STK32C: variants seen among roughly 807,000 people sequenced by gnomAD.
STK32C encodes serine/threonine-protein kinase 32C.
In STK32C, 31 loss-of-function variants were observed where a neutral mutation model predicts 56.5. The ratio of observed to expected loss-of-function variants is 0.55; its 90% CI spans 0.41 to 0.74. STK32C has a LOEUF of 0.74. Ranked by LOEUF, STK32C falls within the 30% of genes least tolerant of loss-of-function variation. The pLI is 0.00. For missense variants in STK32C, 544 were observed against 676.9 expected (o/e 0.80, Z 2.18); for synonymous variants, 309 against 289.4 (o/e 1.07, Z -0.69).
At chr10:132,236,440 C>T (rs925850963) in intron 2 of STK32C, among the ~76,000 whole-genome samples, 5 of 152,226 alleles carry the variant, frequency 3.3e-5, no homozygotes, top group African/African-American at 4.8e-5. Context: ...GCAGCCCCAC[C>T]GTGCACGGGC....
At chr10:132,315,876 G>C (rs2138441701) in intron 1 of STK32C, among the ~76,000 whole-genome samples, 1 of 152,260 alleles carries the variant, frequency 6.6e-6, no homozygotes, top group African/African-American at 2.4e-5. Flanking sequence ...TGTGTTATCT[G>C]AACACAATGA....
In STK32C at chr10:132,268,657, G is replaced by A. The variant is rs377417615; in HGVS notation, c.263-22702C>T. 1.2e-3 allele frequency among the ~76,000 whole-genome samples: 176 copies of A among 150,170 alleles called. 1 individual carries two copies. The highest frequency in any genetic ancestry group is 3.8e-3 in the African/African-American group (156 of 40,646). ...TGTGTGTGTGTCGGTGTGTGTGCATGCATGTGTATGCAGGTTCAGCTCTAT... is the reference window on the plus strand; with the variant it reads ...TGTGTGTGTGTCGGTGTGTGTGCATACATGTGTATGCAGGTTCAGCTCTAT... On this transcript the variant is annotated intron_variant, in intron 1 of 11. Coordinates refer to ENST00000298630, the MANE Select transcript of STK32C (RefSeq NM_173575.4).
At chr10:132,286,375 C>T (rs1205571665) in intron 1 of STK32C, among the ~76,000 whole-genome samples, 1 of 152,188 alleles carries the variant, frequency 6.6e-6, no homozygotes, top group Non-Finnish European at 1.5e-5. Context: ...ACACCACCAA[C>T]CTTACACAAA....
chr10:132,292,444 A>G (rs2065596406), intron 1 of STK32C, among the ~76,000 whole-genome samples: 1 of 152,238 alleles, frequency 6.6e-6, no homozygotes, highest in Admixed American at 6.5e-5. Flanking sequence ...TGACGGATTC[A>G]TCCACACACT....
chr10:132,244,339 C>T (rs905818278), intron 2 of STK32C, among the ~76,000 whole-genome samples: 2 of 152,330 alleles, frequency 1.3e-5, no homozygotes, highest in Middle Eastern at 3.4e-3. Context: ...CGTTTCCGAG[C>T]CTCTTAAGGA....
At chr10:132,217,431 T>G (rs2137618793) in intron 10 of STK32C, among the ~76,000 whole-genome samples, 1 of 152,334 alleles carries the variant, frequency 6.6e-6, no homozygotes, top group Admixed American at 6.5e-5. Flanking sequence ...GGGACTTACC[T>G]TGTCTCAGAT....
intron 8 of STK32C, 95 bp downstream of exon 8, chr10:132,224,312 T>C: frequency 1.1e-6 from 1 of 895,374 alleles, no homozygotes; most frequent in African/African-American, 1.6e-5. Flanking sequence ...GAAGCGGCAC[T>C]AACTGTGCAC....
chr10:132,220,095 G>C (rs760506359), intron 10 of STK32C, among the ~76,000 whole-genome samples: 2 of 152,250 alleles, frequency 1.3e-5, no homozygotes, highest in Admixed American at 1.3e-4. Context: ...CTGGGTACCT[G>C]TGAATGTGAC....
rs1172893533 is a variant in STK32C, at chr10:132,209,042, G to A, written c.1311C>T (p.Asn437=). Residue 437 remains asparagine (N), a synonymous_variant, in exon 11 of 12, where the codon AAC becomes AAT. Coordinates refer to ENST00000298630, the MANE Select transcript of STK32C (RefSeq NM_173575.4). ...ACCCCCAACACACTCACTTTTCTCT[G>A]TTAAAAATCACGAAGTCTTGCTGGA... ...DAIQQDFVIF[N]REKLKRSQDL... is the part of the protein sequence containing the mutation. 2.5e-6 allele frequency: 4 copies of A among 1,612,336 alleles called. No individual in the cohort carries two copies. The highest frequency in any genetic ancestry group is 2.7e-5 in the African/African-American group (2 of 74,968).
At chr10:132,269,447 G>A (rs1318139815) in intron 1 of STK32C, among the ~76,000 whole-genome samples, 1 of 152,200 alleles carries the variant, frequency 6.6e-6, no homozygotes, top group East Asian at 1.9e-4. Flanking sequence ...CTGCCTCCCA[G>A]CCCTGCTGGC....
intron 1 of STK32C, among the ~76,000 whole-genome samples, chr10:132,296,777 G>T (rs1005606148): frequency 2.6e-5 from 4 of 152,232 alleles, no homozygotes; most frequent in Non-Finnish European, 5.9e-5. Flanking sequence ...AGGGGCCGCT[G>T]TGAGGAATGG....
At chr10:132,256,931 G>A (rs1036346741) in intron 1 of STK32C, among the ~76,000 whole-genome samples, 23 of 152,196 alleles carry the variant, frequency 1.5e-4, no homozygotes, top group Non-Finnish European at 3.1e-4. Context: ...CTAGCCAGTG[G>A]GGGGGACGCT....
downstream of STK32C, among the ~76,000 whole-genome samples, chr10:132,320,184 G>C (rs924974412): frequency 1.3e-5 from 2 of 152,120 alleles, no homozygotes; most frequent in African/African-American, 4.8e-5. Flanking sequence ...GGCTGGGGAG[G>C]GGGCAGGTAG....
chr10:132,248,823 G>A (rs1483118177), intron 1 of STK32C, among the ~76,000 whole-genome samples: 22 of 152,274 alleles, frequency 1.4e-4, no homozygotes, highest in Non-Finnish European at 1.5e-5. Flanking sequence ...CAAGCAGCCC[G>A]CACAGCACAG....
intron 2 of STK32C, among the ~76,000 whole-genome samples, chr10:132,245,135 C>T (rs2063640029): frequency 6.6e-6 from 1 of 152,170 alleles, no homozygotes; most frequent in South Asian, 2.1e-4. Context: ...GGTAGCATGG[C>T]AATCGCTTTA....
At chr10:132,262,225 A>T (rs1350052906) in intron 1 of STK32C, among the ~76,000 whole-genome samples, 2 of 152,220 alleles carry the variant, frequency 1.3e-5, no homozygotes, top group Non-Finnish European at 2.9e-5. Flanking sequence ...TGGTGCTGGG[A>T]GAGCCGGCGA....
intron 2 of STK32C, among the ~76,000 whole-genome samples, chr10:132,236,528 G>C (rs1232089496): frequency 6.6e-6 from 1 of 152,220 alleles, no homozygotes; most frequent in African/African-American, 2.4e-5. Context: ...TCACTCGCGG[G>C]CTCGCTGCAG....
At chr10:132,266,019 C>T (rs1039524692) in intron 1 of STK32C, among the ~76,000 whole-genome samples, 11 of 152,204 alleles carry the variant, frequency 7.2e-5, no homozygotes, top group African/African-American at 2.4e-4. Context: ...ATGAAACAGA[C>T]GTCTACCCAA....
At chr10:132,288,177 G>GAAA (rs2065465515) in intron 1 of STK32C, among the ~76,000 whole-genome samples, 1 of 152,036 alleles carries the variant, frequency 6.6e-6, no homozygotes, top group Non-Finnish European at 1.5e-5. Flanking sequence ...GTGAGGGAGG[G>GAAA]AAGAAGAGGG....
Sources: gnomAD v4.1 joint callset for allele counts (sites outside exome capture counted in the v4.1 genomes callset) on GRCh38, gnomAD v4.1.1 for gene constraint, MANE v1.5 for transcripts, NCBI Gene and HGNC (gene_info 2026-07-23, HGNC 2026-07-21) for gene names.